Variants in PDE7A observed in about 807,000 individuals in gnomAD.
PDE7A encodes high affinity 3',5'-cyclic-AMP phosphodiesterase 7A.
Under a neutral mutation model 64.3 loss-of-function variants are expected in PDE7A, and 39 were observed. The ratio of observed to expected loss-of-function variants is 0.61; its 90% confidence interval spans 0.47 to 0.79. The LOEUF is 0.79. Ranked by LOEUF, PDE7A falls within the 30% of genes least tolerant of loss-of-function variation. PDE7A has a pLI of 0.00. For synonymous variants in PDE7A, 203 were observed against 206.8 expected (o/e 0.98, Z 0.16); for missense variants, 470 against 582.8 (o/e 0.81, Z 1.99).
intron 1 of PDE7A, among the ~76,000 whole-genome samples, chr8:65,798,341 C>A (rs1809909181): frequency 6.6e-6 from 1 of 151,534 alleles, no homozygotes; most frequent in African/African-American, 2.4e-5. Flanking sequence ...TCCCAAGTAG[C>A]TAGGACTAAA....
intron 1 of PDE7A, among the ~76,000 whole-genome samples, chr8:65,794,254 GTCTT>G (rs150721371): frequency 0.036 from 5,453 of 152,118 alleles, 135 homozygotes; most frequent in African/African-American, 0.074. Flanking sequence ...AATGAAAGAA[GTCTT>G]TCTAAGAAAG....
intron 1 of PDE7A, among the ~76,000 whole-genome samples, chr8:65,791,013 G>C (rs1809687213): frequency 6.6e-6 from 1 of 152,236 alleles, no homozygotes; most frequent in Middle Eastern, 3.4e-3. Flanking sequence ...CTATAACCTC[G>C]ATGCTTGGCC....
intron 6 of PDE7A, among the ~76,000 whole-genome samples, chr8:65,737,379 C>T (rs1300276520): frequency 6.6e-6 from 1 of 152,130 alleles, no homozygotes; most frequent in Non-Finnish European, 1.5e-5. Flanking sequence ...AGTATAGCTA[C>T]TGGGGCTACT....
intron 3 of PDE7A, among the ~76,000 whole-genome samples, chr8:65,773,177 T>G (rs1267108401): frequency 1.3e-5 from 2 of 152,176 alleles, no homozygotes; most frequent in Non-Finnish European, 2.9e-5. Context: ...TAGATCACAT[T>G]TCACAAAACA....
chr8:65,835,122 G>A (rs1810921462), intron 1 of PDE7A, among the ~76,000 whole-genome samples: 1 of 152,180 alleles, frequency 6.6e-6, no homozygotes, highest in Non-Finnish European at 1.5e-5. Flanking sequence ...ATTCAAAATT[G>A]TCTCTCAATT....
chr8:65,738,768 C>T (rs2128900365), intron 6 of PDE7A, among the ~76,000 whole-genome samples: 1 of 152,288 alleles, frequency 6.6e-6, no homozygotes, highest in Non-Finnish European at 1.5e-5. Flanking sequence ...CAAAGAGATT[C>T]TAGGGGTCAG....
At chr8:65,750,250 C>T (rs1401566457) in intron 3 of PDE7A, among the ~76,000 whole-genome samples, 1 of 152,152 alleles carries the variant, frequency 6.6e-6, no homozygotes, top group African/African-American at 2.4e-5. Flanking sequence ...TTAGAGCCGA[C>T]ACACTTAGAA....
At chr8:65,733,743 T>C (rs1807002193) in intron 7 of PDE7A, among the ~76,000 whole-genome samples, 1 of 152,172 alleles carries the variant, frequency 6.6e-6, no homozygotes, top group Non-Finnish European at 1.5e-5. Context: ...TTAAAAGTCA[T>C]GATATATATA....
chr8:65,752,715 A>G (rs1808024359), intron 3 of PDE7A, among the ~76,000 whole-genome samples: 1 of 152,140 alleles, frequency 6.6e-6, no homozygotes, highest in South Asian at 2.1e-4. Flanking sequence ...GTTTTCTTGA[A>G]TTATATCTCT....
Position 65,803,734 on chromosome 8 carries a change from A to G in PDE7A, c.139-20891T>C, listed in dbSNP as rs568333777. On this transcript the variant is annotated intron_variant, in intron 1 of 12. Coordinates refer to ENST00000401827, the MANE Select transcript of PDE7A (RefSeq NM_001242318.3). ...TTAAATGGATTTAATTCATCACAAC[A>G]GTATTTATATTTGAAATATGCTTAT... Among the ~76,000 whole-genome samples the G allele has an allele frequency of 7.2e-5, 11 of 152,354 alleles. No homozygotes were observed. The East Asian group carries it at 2.1e-3, about 29-fold the overall frequency.
At chr8:65,754,345 T>A (rs1022846285) in intron 3 of PDE7A, among the ~76,000 whole-genome samples, 11 of 152,148 alleles carry the variant, frequency 7.2e-5, no homozygotes, top group African/African-American at 2.6e-4. Flanking sequence ...CCAGGATCAA[T>A]ACTTTGCATC....
intron 7 of PDE7A, among the ~76,000 whole-genome samples, chr8:65,732,038 G>A (rs1284676021): frequency 2.0e-5 from 3 of 151,742 alleles, no homozygotes; most frequent in Non-Finnish European, 2.9e-5. Flanking sequence ...TCACTCTGTC[G>A]CCCAGGCTGG....
chr8:65,763,380 A>T (rs898104176), intron 3 of PDE7A, among the ~76,000 whole-genome samples: 2 of 152,166 alleles, frequency 1.3e-5, no homozygotes, highest in African/African-American at 4.8e-5. Flanking sequence ...AGCCTGACCA[A>T]CATGGTGAAA....
At chr8:65,840,190 G>A (rs2128936199) in intron 1 of PDE7A, among the ~76,000 whole-genome samples, 1 of 152,278 alleles carries the variant, frequency 6.6e-6, no homozygotes, top group South Asian at 2.1e-4. Flanking sequence ...ACACATTATA[G>A]TAATTTTCAC....
At position 65,782,688 on chromosome 8, in the gene PDE7A, G is replaced by A. The variant is rs573129789; in HGVS notation, c.199+95C>T. 16 of 676,326 alleles carry A rather than the reference G, an allele frequency of 2.4e-5. No individual in the cohort carries two copies. In the Admixed American group the frequency reaches 4.3e-4, roughly 18 times the overall value. 41.9% of individuals were successfully genotyped at this position (676,326 alleles called of 1,614,324 possible). On this transcript the variant is annotated intron_variant, in intron 2 of 12. Coordinates refer to ENST00000401827, the MANE Select transcript of PDE7A (RefSeq NM_001242318.3). ...ATAGGTTATTTCTACTACAAACAGT[G>A]ATGAAAAGCTATCTAATGAAAGATA... is the stretch of plus-strand genomic sequence containing the variant.
chr8:65,787,710 A>G (rs1809598175), intron 1 of PDE7A, among the ~76,000 whole-genome samples: 1 of 151,918 alleles, frequency 6.6e-6, no homozygotes, highest in Non-Finnish European at 1.5e-5. Context: ...TGGAAAGTTG[A>G]GGTAGGAGGA....
At chr8:65,766,929 A>G (rs542185102) in intron 3 of PDE7A, among the ~76,000 whole-genome samples, 4 of 152,090 alleles carry the variant, frequency 2.6e-5, no homozygotes, top group East Asian at 1.9e-4. Flanking sequence ...AAGTTTCTCA[A>G]TGGGTCTTGG....
intron 1 of PDE7A, among the ~76,000 whole-genome samples, chr8:65,824,460 T>C (rs6415604): frequency 0.22 from 33,882 of 152,136 alleles, 5,895 homozygotes; most frequent in African/African-American, 0.49. Context: ...AGGACTGACT[T>C]CAATTTTGGA....
chr8:65,733,191 T>C (rs1726359020), intron 7 of PDE7A, among the ~76,000 whole-genome samples: 1 of 152,180 alleles, frequency 6.6e-6, no homozygotes, highest in South Asian at 2.1e-4. Context: ...GTGTTCAAAA[T>C]CATGTTTTTA....
Sources: gnomAD v4.1 joint callset for allele counts (sites outside exome capture counted in the v4.1 genomes callset) on GRCh38, gnomAD v4.1.1 for gene constraint, MANE v1.5 for transcripts, NCBI Gene and HGNC (gene_info 2026-07-23, HGNC 2026-07-21) for gene names.